SLC25A30: variants seen among roughly 807,000 people sequenced by gnomAD.
SLC25A30 encodes the protein solute carrier family 25 member 30, also known as kidney mitochondrial carrier protein 1.
Under a neutral mutation model 42.7 loss-of-function variants are expected in SLC25A30, and 29 were observed. The ratio of observed to expected loss-of-function variants is 0.68; its 90% CI spans 0.51 to 0.93. SLC25A30 has a LOEUF of 0.93. Among genes scored for constraint, SLC25A30 ranks in the 40% least tolerant of loss-of-function variants. The probability of loss-of-function intolerance (pLI) is 0.00; values close to 1 mark genes in which losing one functional copy is unlikely to be tolerated. For missense variants in SLC25A30, 300 were observed against 359.7 expected (o/e 0.83, Z 1.34); for synonymous variants, 124 against 131.0 (o/e 0.95, Z 0.37).
At chr13:45,401,548 G>A (rs1881981730) in intron 6 of SLC25A30, among the ~76,000 whole-genome samples, 1 of 151,802 alleles carries the variant, frequency 6.6e-6, no homozygotes, top group Non-Finnish European at 1.5e-5. Flanking sequence ...AGAATACTAG[G>A]AAATAACACT....
rs950037581 is a variant in SLC25A30, at chr13:45,397,320, A to C, written c.772T>G (p.Phe258Val). The C allele has an allele frequency of 1.9e-5, 30 of 1,611,264 alleles. No individual in the cohort carries two copies. Among genetic ancestry groups the C allele is most frequent in the Non-Finnish European group, 2.5e-5 (30 of 1,178,148 alleles). The change falls in exon 9 of 10, where the codon TTT becomes GTT. Residue 258 changes from phenylalanine (F) to valine (V), a missense_variant. Phe to Val is a conservative substitution (Grantham distance 50, BLOSUM62 -1). Transcript: ENST00000519676. ...CLLQTWKNEG[F>V]FALYKGFWPN... ...CAAAAGCCTTTATAGAGAGCAAAAA[A>C]CCCTTCATTCTTCCATGTCTGTTAA... is the stretch of plus-strand genomic sequence containing the variant.
At chr13:45,421,140 A>G (rs1301905018), upstream of SLC25A30, among the ~76,000 whole-genome samples, 3 of 152,064 alleles carry the variant, frequency 2.0e-5, no homozygotes, top group Non-Finnish European at 1.5e-5. Flanking sequence ...ATACTTTGGG[A>G]GGCCGAAGCA....
At position 45,396,323 on chromosome 13, in the gene SLC25A30, T is replaced by TGAGA. The variant is rs138488525; in HGVS notation, c.835-312_835-309dup. The TGAGA allele has an allele frequency of 4.7e-4, 543 of 1,163,670 alleles. 4 individuals carry two copies. In the African/African-American group the frequency reaches 6.1e-3, roughly 13 times the overall value. The allele number at this position is 1,163,670 out of a possible 1,614,324, so 72.1% of individuals were successfully genotyped here. A position where few individuals can be genotyped will look rare whatever the true frequency, so the allele number is the denominator to read the frequency against. On this transcript the variant is annotated intron_variant, in intron 9 of 9. Coordinates refer to ENST00000519676, the MANE Select transcript of SLC25A30 (RefSeq NM_001010875.4). Reference sequence around the variant, plus strand: ...AAAACTTTCCAGCACTGTAAGCTTTTGAGAGAGAGAGAGAGAGAGAGAGTT... The same window carrying TGAGA: ...AAAACTTTCCAGCACTGTAAGCTTTTGAGAGAGAGAGAGAGAGAGAGAGAGAGTT...
chr13:45,428,349 C>T, the SLC25A30 span, among the ~76,000 whole-genome samples: 6 of 151,392 alleles, frequency 4.0e-5, no homozygotes, highest in South Asian at 6.3e-4. Context: ...GCTGGGACTA[C>T]AGGCGCATGC....
chr13:45,394,839 C>G lies in SLC25A30; in HGVS notation c.*1135G>C. 1.0e-6 allele frequency: 1 copy of G among 985,338 alleles called. No homozygotes were observed. Among genetic ancestry groups the G allele is most frequent in the South Asian group, 4.7e-5 (1 of 21,280 alleles). 61.0% of individuals were successfully genotyped at this position (985,338 alleles called of 1,614,324 possible). A position where few individuals can be genotyped will look rare whatever the true frequency, so the allele number is the denominator to read the frequency against. ...AAATTTCAAGCAGGTATTTTCCATC[C>G]AAACTAAACAGAAAGTCCAAGACAG... On this transcript the variant is annotated 3_prime_UTR_variant, in exon 10 of 10. Transcript: ENST00000519676.
chr13:45,421,365 C>T (rs1883887181), upstream of SLC25A30, among the ~76,000 whole-genome samples: 1 of 106,904 alleles, frequency 9.4e-6, no homozygotes, highest in Non-Finnish European at 1.7e-5. Context: ...GGCAACAGAG[C>T]AAGACTCCAT....
chr13:45,419,230 A>G (rs568233940), upstream of SLC25A30, among the ~76,000 whole-genome samples: 153 of 149,362 alleles, frequency 1.0e-3, 1 homozygote, highest in Non-Finnish European at 2.0e-3. Flanking sequence ...TATCTAATAT[A>G]CATATATGTA....
the SLC25A30 span, among the ~76,000 whole-genome samples, chr13:45,430,503 A>C: frequency 2.0e-5 from 3 of 152,142 alleles, no homozygotes; most frequent in Non-Finnish European, 4.4e-5. Flanking sequence ...CTGTAGAACA[A>C]TTTTATTTTT....
chr13:45,428,517 C>CTTTTT, the SLC25A30 span, among the ~76,000 whole-genome samples: 6 of 92,544 alleles, frequency 6.5e-5, no homozygotes, highest in African/African-American at 2.1e-4. Context: ...TTCTTTTTAA[C>CTTTTT]TTTTTTTTTT....
In SLC25A30 at chr13:45,395,736, T is replaced by C. The variant is rs1306079231; in HGVS notation, c.*238A>G. 10 of 1,403,072 alleles carry C rather than the reference T, an allele frequency of 7.1e-6. No homozygotes were observed. Among genetic ancestry groups the C allele is most frequent in the African/African-American group, 1.4e-5 (1 of 69,146 alleles). The allele number at this position is 1,403,072 out of a possible 1,614,324, so 86.9% of individuals were successfully genotyped here. ...TGCATTTCACATATTATCTTTGATG[T>C]TGAAGGGCACTTCAGTGGTAAAGAC... On this transcript the variant is annotated 3_prime_UTR_variant, in exon 10 of 10. Coordinates refer to ENST00000519676, the MANE Select transcript of SLC25A30 (RefSeq NM_001010875.4).
At chr13:45,407,384 T>C (rs1215735160) in intron 3 of SLC25A30, among the ~76,000 whole-genome samples, 15 of 151,102 alleles carry the variant, frequency 9.9e-5, no homozygotes. Context: ...AAAAAAAAAA[T>C]TGTGTGTGTG....
intron 6 of SLC25A30, among the ~76,000 whole-genome samples, chr13:45,401,864 A>T (rs1882014066): frequency 2.0e-5 from 3 of 152,136 alleles, no homozygotes; most frequent in Non-Finnish European, 4.4e-5. Context: ...GTTCGAGACC[A>T]GCCTGACCAA....
chr13:45,416,339 C>T (rs1030528174), intron 1 of SLC25A30, among the ~76,000 whole-genome samples: 7 of 151,734 alleles, frequency 4.6e-5, no homozygotes, highest in Non-Finnish European at 8.8e-5. Context: ...ACCTGGGAAG[C>T]GGAGGTTGCA....
chr13:45,425,539 TATATATATATAAGTATATATATAA>T, the SLC25A30 span, among the ~76,000 whole-genome samples: 873 of 38,250 alleles, frequency 0.023, 117 homozygotes, highest in African/African-American at 0.065. Flanking sequence ...TATGTATAAG[TATATATATATAAGTATATATATAA>T]ATATATATAA....
chr13:45,428,517 CT>C, the SLC25A30 span, among the ~76,000 whole-genome samples: 19,456 of 92,476 alleles, frequency 0.21, 1,121 homozygotes, highest in South Asian at 0.28. Context: ...TTCTTTTTAA[CT>C]TTTTTTTTTT....
chr13:45,395,908 C>A lies in SLC25A30; in HGVS notation c.*66G>T. The A allele has an allele frequency of 6.2e-7, 1 of 1,613,814 alleles. No homozygotes were observed. Among genetic ancestry groups the A allele is most frequent in the Non-Finnish European group, 8.5e-7 (1 of 1,179,920 alleles). Reference sequence around the variant, plus strand: ...CCAAGCAGTGAGAAGCAGAGTGAAACACAGGAAGCTTTGCTGTTTCAGAAG... The same window carrying A: ...CCAAGCAGTGAGAAGCAGAGTGAAAAACAGGAAGCTTTGCTGTTTCAGAAG... On this transcript the variant is annotated 3_prime_UTR_variant, in exon 10 of 10. Transcript: ENST00000519676.
chr13:45,433,614 C>A, the SLC25A30 span, among the ~76,000 whole-genome samples: 2 of 152,154 alleles, frequency 1.3e-5, no homozygotes, highest in Non-Finnish European at 2.9e-5. Context: ...GAGTTTAGCA[C>A]GAGGACTCTG....
chr13:45,424,000 TA>T, the SLC25A30 span, among the ~76,000 whole-genome samples: 1 of 82,668 alleles, frequency 1.2e-5, no homozygotes, highest in African/African-American at 4.7e-5. Flanking sequence ...TAAATATATA[TA>T]AAAATATATA....
At chr13:45,424,633 GTATATAAACAT>G in the SLC25A30 span, among the ~76,000 whole-genome samples, 2 of 22,126 alleles carry the variant, frequency 9.0e-5, no homozygotes, top group African/African-American at 4.6e-4. Context: ...ATATAAATAT[GTATATAAACAT>G]AAATATATAT....
Sources: gnomAD v4.1 joint callset for allele counts (sites outside exome capture counted in the v4.1 genomes callset) on GRCh38, gnomAD v4.1.1 for gene constraint, MANE v1.5 for transcripts, NCBI Gene and HGNC (gene_info 2026-07-23, HGNC 2026-07-21) for gene names.